Variants in DACH1 observed in about 807,000 individuals in gnomAD.
DACH1 encodes the protein dachshund family transcription factor 1.
In DACH1, 12 loss-of-function variants were observed where a neutral mutation model predicts 54.2. The ratio of observed to expected loss-of-function variants is 0.22; its 90% CI spans 0.14 to 0.36. The LOEUF (loss-of-function observed/expected upper bound fraction) is 0.36. Among genes scored for constraint, DACH1 ranks in the 10% least tolerant of loss-of-function variants. The probability of loss-of-function intolerance (pLI) is 1.00; values close to 1 mark genes in which losing one functional copy is unlikely to be tolerated. For missense variants in DACH1, 805 were observed against 929.8 expected, an observed-to-expected ratio of 0.87 and a Z score of 1.75; for synonymous variants, 386 against 366.2, an observed-to-expected ratio of 1.05 and a Z score of -0.62.
intron 10 of DACH1, among the ~76,000 whole-genome samples, chr13:71,442,779 C>A (rs1183024597): frequency 6.6e-6 from 1 of 151,794 alleles, no homozygotes; most frequent in Non-Finnish European, 1.5e-5. Context: ...AATAATGATG[C>A]AATTATAGCT....
chr13:71,824,972 A>T (rs73503534), intron 1 of DACH1, among the ~76,000 whole-genome samples: 1,954 of 152,178 alleles, frequency 0.013, 30 homozygotes, highest in African/African-American at 0.043. Context: ...TCAAAGAATG[A>T]CCCAAATAAT....
intron 6 of DACH1, among the ~76,000 whole-genome samples, chr13:71,544,754 A>C (rs770101321): frequency 2.6e-5 from 4 of 152,026 alleles, no homozygotes; most frequent in Non-Finnish European, 5.9e-5. Context: ...TATAGACCCC[A>C]CCACATATTC....
At chr13:71,795,586 T>C (rs895999715) in intron 1 of DACH1, among the ~76,000 whole-genome samples, 4 of 152,170 alleles carry the variant, frequency 2.6e-5, no homozygotes, top group African/African-American at 9.7e-5. Flanking sequence ...CATGTACCTT[T>C]CTATGCACTT....
intron 7 of DACH1, among the ~76,000 whole-genome samples, chr13:71,481,464 A>G (rs1349121833): frequency 6.6e-6 from 1 of 152,200 alleles, no homozygotes; most frequent in African/African-American, 2.4e-5. Context: ...TGCTGAGAGC[A>G]TTTATGTTTA....
intron 3 of DACH1, among the ~76,000 whole-genome samples, chr13:71,619,991 G>A (rs2138539433): frequency 6.6e-6 from 1 of 152,022 alleles, no homozygotes; most frequent in South Asian, 2.1e-4. Flanking sequence ...ACATGTGCCT[G>A]TGTGTGTTTT....
intron 10 of DACH1, among the ~76,000 whole-genome samples, chr13:71,444,790 C>T (rs1874302959): frequency 6.6e-6 from 1 of 152,106 alleles, no homozygotes. Flanking sequence ...TAAGCTGGTG[C>T]TGCTTTTCCT....
At chr13:71,603,849 A>T (rs2138498587) in intron 3 of DACH1, among the ~76,000 whole-genome samples, 1 of 152,094 alleles carries the variant, frequency 6.6e-6, no homozygotes, top group Non-Finnish European at 1.5e-5. Context: ...TGTAAATAAA[A>T]TTATGAACAT....
At chr13:71,638,414 C>T (rs1379642722) in intron 2 of DACH1, among the ~76,000 whole-genome samples, 10 of 152,118 alleles carry the variant, frequency 6.6e-5, no homozygotes, top group African/African-American at 1.7e-4. Context: ...TGGTGTGAAG[C>T]GGATTCTCCA....
intron 2 of DACH1, among the ~76,000 whole-genome samples, chr13:71,644,990 CAA>C (rs1418800866): frequency 6.6e-5 from 10 of 152,054 alleles, no homozygotes; most frequent in Non-Finnish European, 1.5e-5. Context: ...AAAAAAAAAT[CAA>C]GTTTTATTCA....
At chr13:71,547,831 T>C (rs1883556765) in intron 6 of DACH1, among the ~76,000 whole-genome samples, 2 of 152,156 alleles carry the variant, frequency 1.3e-5, no homozygotes, top group Non-Finnish European at 2.9e-5. Flanking sequence ...GGCTATTATT[T>C]ACAAGCCCTG....
intron 6 of DACH1, among the ~76,000 whole-genome samples, chr13:71,534,797 T>A (rs1328543297): frequency 6.6e-6 from 1 of 151,848 alleles, no homozygotes; most frequent in African/African-American, 2.4e-5. Context: ...TCATCTTTAG[T>A]GGTGCATGGA....
chr13:71,833,949 A>C (rs1226727071), intron 1 of DACH1, among the ~76,000 whole-genome samples: 2 of 151,976 alleles, frequency 1.3e-5, no homozygotes, highest in African/African-American at 4.8e-5. Context: ...GAACTAACTG[A>C]TCCTCATCTT....
intron 2 of DACH1, among the ~76,000 whole-genome samples, chr13:71,646,852 C>A (rs956198223): frequency 2.0e-5 from 3 of 152,150 alleles, no homozygotes; most frequent in Non-Finnish European, 4.4e-5. Flanking sequence ...CTCTGAAAGA[C>A]AATTGCAATA....
At chr13:71,670,758 T>A (rs1376186984) in intron 2 of DACH1, among the ~76,000 whole-genome samples, 1 of 152,098 alleles carries the variant, frequency 6.6e-6, no homozygotes, top group Non-Finnish European at 1.5e-5. Flanking sequence ...AATAATACTT[T>A]ACCTTTGTCT....
chr13:71,559,776 C>T (rs9572756), intron 5 of DACH1, 44 bp downstream of exon 5: 20 of 1,612,374 alleles, frequency 1.2e-5, no homozygotes, highest in East Asian at 2.2e-5. Context: ...CAGCTGAACC[C>T]TAATAAAGTT....
intron 5 of DACH1, among the ~76,000 whole-genome samples, chr13:71,559,362 A>C (rs541709431): frequency 6.4e-4 from 97 of 152,290 alleles, no homozygotes; most frequent in Middle Eastern, 3.4e-3. Flanking sequence ...ATGCTTTTTA[A>C]GTTTAGTATT....
chr13:71,651,123 A>G (rs1878634096), intron 2 of DACH1, among the ~76,000 whole-genome samples: 1 of 152,190 alleles, frequency 6.6e-6, no homozygotes, highest in Non-Finnish European at 1.5e-5. Context: ...GCTATAGCAC[A>G]GAAGAAAAAT....
intron 1 of DACH1, among the ~76,000 whole-genome samples, chr13:71,816,586 ATATATACACACATATGTG>A (rs1887938538): frequency 9.5e-6 from 1 of 105,710 alleles, no homozygotes; most frequent in Non-Finnish European, 2.0e-5. Flanking sequence ...ATACACGTAT[ATATATACACACATATGTG>A]TGTATATATA....
intron 2 of DACH1, among the ~76,000 whole-genome samples, chr13:71,673,898 A>G (rs973207106): frequency 2.0e-5 from 3 of 152,184 alleles, no homozygotes; most frequent in African/African-American, 7.2e-5. Flanking sequence ...ATAAACAAAC[A>G]AATAATGCCT....
Sources: gnomAD v4.1 joint callset for allele counts (sites outside exome capture counted in the v4.1 genomes callset) on GRCh38, gnomAD v4.1.1 for gene constraint, MANE v1.5 for transcripts, NCBI Gene and HGNC (gene_info 2026-07-23, HGNC 2026-07-21) for gene names.